MTMR3: variants seen among roughly 807,000 people sequenced by gnomAD.
The protein encoded by MTMR3 is myotubularin related protein 3, also known as phosphatidylinositol-3,5-bisphosphate 3-phosphatase MTMR3.
MTMR3 carries 32 observed loss-of-function variants against 132.4 expected under a neutral mutation model. The ratio of observed to expected loss-of-function variants is 0.24; its 90% CI spans 0.18 to 0.32. The LOEUF (loss-of-function observed/expected upper bound fraction) is 0.32. MTMR3 is among the 10% of genes least tolerant of loss of function. The probability of loss-of-function intolerance (pLI) is 1.00; values close to 1 mark genes in which losing one functional copy is unlikely to be tolerated. For missense variants in MTMR3, 1,216 were observed against 1,489.6 expected, an observed-to-expected ratio of 0.82 and a Z score of 3.02; for synonymous variants, 556 against 550.3, an observed-to-expected ratio of 1.01 and a Z score of -0.14.
intron 12 of MTMR3, chr22:30,009,382 G>A (rs1052382175): frequency 1.2e-5 from 5 of 421,812 alleles, no homozygotes; most frequent in African/African-American, 1.0e-4. Flanking sequence ...CAGCACAGAA[G>A]AAATCTCAGC....
intron 5 of MTMR3, chr22:29,988,181 C>CTCTG (rs1202518997): frequency 4.9e-6 from 1 of 202,322 alleles, no homozygotes; most frequent in African/African-American, 2.3e-5. Flanking sequence ...AAAAGTAGTA[C>CTCTG]TCTGATCTTG....
chr22:29,943,565 CT>C (rs2065898539), intron 1 of MTMR3, among the ~76,000 whole-genome samples: 1 of 152,108 alleles, frequency 6.6e-6, no homozygotes, highest in Non-Finnish European at 1.5e-5. Context: ...GAAATTTTAG[CT>C]GAAGTTTTTG....
intron 19 of MTMR3, 67 bp downstream of exon 19, chr22:30,022,764 C>T: frequency 1.5e-6 from 2 of 1,356,092 alleles, no homozygotes; most frequent in Non-Finnish European, 2.1e-6. Flanking sequence ...ACAGAGCCTG[C>T]AGAGTAGAGG....
intron 2 of MTMR3, among the ~76,000 whole-genome samples, chr22:29,968,160 C>T (rs2066466409): frequency 6.6e-6 from 1 of 152,092 alleles, no homozygotes; most frequent in South Asian, 2.1e-4. Context: ...TTGGGAACTG[C>T]CACACTTTTC....
intron 6 of MTMR3, chr22:29,989,384 A>C (rs1040566549): frequency 1.3e-5 from 2 of 152,130 alleles, no homozygotes; most frequent in African/African-American, 4.8e-5. Context: ...GTGTGCCACC[A>C]CACCCGGCTA....
intron 1 of MTMR3, among the ~76,000 whole-genome samples, chr22:29,930,813 C>T (rs557335387): frequency 6.6e-6 from 1 of 152,098 alleles, no homozygotes; most frequent in African/African-American, 2.4e-5. Flanking sequence ...CCAGCATGGG[C>T]AACATAGTGA....
chr22:29,947,872 G>A (rs1037645250), intron 1 of MTMR3, among the ~76,000 whole-genome samples: 4 of 152,096 alleles, frequency 2.6e-5, no homozygotes, highest in African/African-American at 9.7e-5. Context: ...AATTGAAGAT[G>A]GTGTTCAGGT....
At chr22:29,995,268 T>C (rs1461125921) in intron 7 of MTMR3, 3 of 152,236 alleles carry the variant, frequency 2.0e-5, no homozygotes, top group Non-Finnish European at 4.4e-5. Flanking sequence ...CCTTTGTACA[T>C]AGAAAAGCAT....
Position 29,926,170 on chromosome 22 carries a change from TTTAGCATGAAAGCATTTTCATTTTCA to T in MTMR3, c.-137-30864_-137-30839del, listed in dbSNP as rs796747544. ...TGGCCTTTTGTGCTGGCTGCTTTCATTTAGCATGAAAGCATTTTCATTTTCATCTGTGTTGTAGCACATTATCAGTA... is the reference window on the plus strand; with the variant it reads ...TGGCCTTTTGTGCTGGCTGCTTTCATTCTGTGTTGTAGCACATTATCAGTA... On this transcript the variant is annotated intron_variant, in intron 1 of 19. Coordinates refer to ENST00000401950, the MANE Select transcript of MTMR3 (RefSeq NM_021090.4). Among the ~76,000 whole-genome samples the T allele has an allele frequency of 4.6e-5, 7 of 152,318 alleles. No homozygotes were observed. The South Asian group carries it at 1.5e-3, about 32-fold the overall frequency.
In MTMR3 at chr22:30,016,655, A is replaced by G; in HGVS notation, c.1631A>G (p.Asn544Ser). Residue 544 changes from asparagine to serine, a missense_variant, in exon 15 of 20, where the codon AAC becomes AGC. Asn to Ser is a conservative substitution (Grantham distance 46, BLOSUM62 1). Around this residue, in one of 7 missense-constraint regions of MTMR3, gnomAD observed 852 missense variants for 852.0 expected, o/e 1.00. Coordinates refer to ENST00000401950, the MANE Select transcript of MTMR3 (RefSeq NM_021090.4). ...CSVWSLLRAG[N>S]KAFKNLLYSS... is the part of the protein sequence containing the mutation. Reference sequence around the variant, plus strand: ...GTGTGGTCACTTCTTCGGGCAGGCAACAAGGCTTTCAAAAACCTACTGTAT... The same window carrying G: ...GTGTGGTCACTTCTTCGGGCAGGCAGCAAGGCTTTCAAAAACCTACTGTAT... 1 of 1,614,200 alleles carries G rather than the reference A, an allele frequency of 6.2e-7. No individual in the cohort carries two copies. The highest frequency in any genetic ancestry group is 2.2e-5 in the East Asian group (1 of 44,880).
At chr22:29,967,352 A>G (rs989499420) in intron 2 of MTMR3, among the ~76,000 whole-genome samples, 1 of 151,522 alleles carries the variant, frequency 6.6e-6, no homozygotes, top group Non-Finnish European at 1.5e-5. Context: ...ATCCTTCCAC[A>G]TCAGCCTCCC....
chr22:29,949,669 C>T (rs1487078155), intron 1 of MTMR3, among the ~76,000 whole-genome samples: 2 of 151,948 alleles, frequency 1.3e-5, no homozygotes, highest in Admixed American at 6.6e-5. Context: ...TTTTGAGAAC[C>T]TGTTTTTAAA....
At chr22:29,980,371 A>G (rs1213300865) in intron 5 of MTMR3, 2 of 152,206 alleles carry the variant, frequency 1.3e-5, no homozygotes, top group Non-Finnish European at 2.9e-5. Context: ...TCTATCAGCT[A>G]AAGATACACA....
intron 1 of MTMR3, among the ~76,000 whole-genome samples, chr22:29,896,924 A>G (rs971703579): frequency 2.5e-5 from 3 of 121,566 alleles, no homozygotes; most frequent in East Asian, 2.4e-4. Flanking sequence ...CAAATCCCAT[A>G]TAGAATCTAC....
intron 16 of MTMR3, 136 bp from the exon 17 acceptor site, chr22:30,019,344 C>T (rs1333329165): frequency 2.5e-6 from 2 of 816,288 alleles, no homozygotes; most frequent in African/African-American, 3.5e-5. Context: ...CTGGGCCTCG[C>T]TCCAGAGATG....
chr22:29,916,844 C>T (rs1412807467), intron 1 of MTMR3, among the ~76,000 whole-genome samples: 1 of 152,140 alleles, frequency 6.6e-6, no homozygotes, highest in Non-Finnish European at 1.5e-5. Flanking sequence ...AAATGTTTAG[C>T]CTTTGTAATG....
intron 1 of MTMR3, among the ~76,000 whole-genome samples, chr22:29,918,741 G>A (rs1415787344): frequency 6.6e-6 from 1 of 152,086 alleles, no homozygotes; most frequent in Non-Finnish European, 1.5e-5. Context: ...ATTCACTAGG[G>A]GTTTTATCAT....
chr22:29,963,392 CT>C (rs1204239353), intron 2 of MTMR3, among the ~76,000 whole-genome samples: 205 of 134,976 alleles, frequency 1.5e-3, no homozygotes, highest in East Asian at 3.7e-3. Flanking sequence ...CACTTAATTC[CT>C]TTTTTTTTTT....
chr22:29,982,791 G>C (rs889131551), intron 5 of MTMR3: 3 of 152,182 alleles, frequency 2.0e-5, no homozygotes, highest in Non-Finnish European at 4.4e-5. Flanking sequence ...CTCTGTAGTA[G>C]AGTTTATGTG....
Sources: gnomAD v4.1 joint callset for allele counts (sites outside exome capture counted in the v4.1 genomes callset) on GRCh38, gnomAD v4.1.1 for gene constraint, gnomAD v4.1.1 regional missense constraint, MANE v1.5 for transcripts, NCBI Gene and HGNC (gene_info 2026-07-23, HGNC 2026-07-21) for gene names.